MBNL2: variants seen among roughly 807,000 people sequenced by gnomAD.
MBNL2 encodes muscleblind-like protein 2.
Under a neutral mutation model 41.9 loss-of-function variants are expected in MBNL2, and 17 were observed. That is an observed-to-expected ratio of 0.41 (90% CI 0.28 to 0.61). The LOEUF is 0.61. Ranked by LOEUF, MBNL2 falls within the 20% of genes least tolerant of loss-of-function variation. The pLI is 0.35. For synonymous variants in MBNL2, 195 were observed against 182.9 expected (o/e 1.07, Z -0.53); for missense variants, 336 against 505.6 (o/e 0.66, Z 3.22).
rs566474124 is a variant in MBNL2 at position 97,307,126 on chromosome 13, C to T, written c.175-27150C>T. On this transcript the variant is annotated intron_variant, in intron 2 of 8. Coordinates refer to ENST00000679496, the MANE Select transcript of MBNL2 (RefSeq NM_001382683.1). ...AAAGTCTAAATCTCGTGGGTTCCAT[C>T]TCCCAGCATCCAACATAAATAAAAA... is the stretch of plus-strand genomic sequence containing the variant. 2.6e-5 allele frequency among the ~76,000 whole-genome samples: 4 copies of T among 152,272 alleles called. No individual in the cohort carries two copies. In the East Asian group the frequency reaches 5.8e-4, roughly 22 times the overall value.
rs775193234 is a variant in MBNL2 at position 97,365,164 on chromosome 13, C to T, written c.1041C>T (p.Thr347=). 5 of 1,605,148 alleles carry T rather than the reference C, an allele frequency of 3.1e-6. No homozygotes were observed. In the East Asian group the frequency reaches 1.1e-4, roughly 36 times the overall value. ...CAGTTTTGTGCATGACACCCGCTAC[C>T]AGTATTGGTAGGTTTCAACCTTTTT... is the stretch of plus-strand genomic sequence containing the variant. ...TGSVLCMTPA[T]SIDNSEIISR... The change falls in exon 8 of 9, where the codon ACC becomes ACT. Residue 347 remains threonine (T), a synonymous_variant. Transcript: ENST00000679496.
Position 97,382,354 on chromosome 13 carries a change from A to G in MBNL2, c.1049-8968A>G, listed in dbSNP as rs544472879. ...CCCAGGCCAAATGCCACTCATGTCT[A>G]TGATGTTGCTATATCTTTGGGATTC... is the stretch of plus-strand genomic sequence containing the variant. On this transcript the variant is annotated intron_variant, in intron 8 of 8. Coordinates refer to ENST00000679496, the MANE Select transcript of MBNL2 (RefSeq NM_001382683.1). Among the ~76,000 whole-genome samples the G allele has an allele frequency of 2.4e-4, 37 of 152,370 alleles. No homozygotes were observed. In the South Asian group the frequency reaches 7.4e-3, roughly 31 times the overall value.
intron 2 of MBNL2, among the ~76,000 whole-genome samples, chr13:97,307,577 A>G (rs2058237364): frequency 6.6e-6 from 1 of 152,212 alleles, no homozygotes; most frequent in South Asian, 2.1e-4. Context: ...AAAAATATTT[A>G]GTCCACAACA....
At chr13:97,151,398 G>A in the MBNL2 span, among the ~76,000 whole-genome samples, 180 of 152,116 alleles carry the variant, frequency 1.2e-3, 1 homozygote, top group African/African-American at 3.9e-3. Context: ...CTTCAAGGAG[G>A]TTAAAAAAAA....
intron 3 of MBNL2, among the ~76,000 whole-genome samples, chr13:97,340,222 C>T (rs1370515297): frequency 1.3e-5 from 2 of 152,160 alleles, no homozygotes; most frequent in African/African-American, 2.4e-5. Context: ...TGCAAATCAC[C>T]GTAACTGTAT....
intron 8 of MBNL2, among the ~76,000 whole-genome samples, chr13:97,374,283 G>T (rs2064740927): frequency 6.6e-6 from 1 of 151,250 alleles, no homozygotes; most frequent in Non-Finnish European, 1.5e-5. Context: ...GAGTAGCTGG[G>T]ACTACAGGCG....
At chr13:97,291,620 C>T (rs537661289) in intron 2 of MBNL2, among the ~76,000 whole-genome samples, 6 of 152,054 alleles carry the variant, frequency 3.9e-5, no homozygotes, top group East Asian at 1.9e-4. Context: ...TTGGGTCGGG[C>T]GCGGTGGCTC....
At chr13:97,297,673 C>G (rs753230922) in intron 2 of MBNL2, among the ~76,000 whole-genome samples, 11 of 152,172 alleles carry the variant, frequency 7.2e-5, no homozygotes, top group Non-Finnish European at 1.2e-4. Context: ...TCAGACCACT[C>G]TGCAACAATA....
chr13:97,223,095 G>A (rs912149573), intron 1 of MBNL2, among the ~76,000 whole-genome samples: 3 of 152,142 alleles, frequency 2.0e-5, no homozygotes, highest in Non-Finnish European at 4.4e-5. Flanking sequence ...GCAAGTTTTC[G>A]ATACTGTAGT....
upstream of MBNL2, among the ~76,000 whole-genome samples, chr13:97,217,101 TATC>T (rs200217576): frequency 9.6e-3 from 1,433 of 148,642 alleles, 23 homozygotes; most frequent in African/African-American, 0.033. Flanking sequence ...GATATATACA[TATC>T]ATATACAGTA....
chr13:97,175,218 A>ATCCT, the MBNL2 span, among the ~76,000 whole-genome samples: 1 of 151,834 alleles, frequency 6.6e-6, no homozygotes. Context: ...TTCCTACCCA[A>ATCCT]TCCTTCCTTC....
the MBNL2 span, among the ~76,000 whole-genome samples, chr13:97,195,901 A>C: frequency 6.6e-6 from 1 of 152,178 alleles, no homozygotes; most frequent in South Asian, 2.1e-4. Flanking sequence ...CATGTACTAC[A>C]CTGGACAACA....
rs115268394 is a variant in MBNL2 at position 97,234,501 on chromosome 13, G to A, written c.-605+11970G>A. Among the ~76,000 whole-genome samples, 1,254 of 152,220 alleles carry A rather than the reference G, an allele frequency of 8.2e-3. 16 individuals carry two copies. Among genetic ancestry groups the A allele is most frequent in the African/African-American group, 0.029 (1,195 of 41,520 alleles). ...GTTCAGGCCTGAGCACAGTGCGGGG[G>A]CGGGGGGTAGTGAATAGATGAAGGT... On this transcript the variant is annotated intron_variant, in intron 1 of 8. Transcript: ENST00000679496.
At chr13:97,263,028 C>A (rs759474480) in intron 1 of MBNL2, among the ~76,000 whole-genome samples, 5 of 152,100 alleles carry the variant, frequency 3.3e-5, no homozygotes, top group African/African-American at 1.2e-4. Flanking sequence ...GTCGGGTGAT[C>A]CACTCGCCTC....
chr13:97,346,937 G>A lies in MBNL2; in HGVS notation c.674G>A (p.Arg225His), dbSNP rs1322938546. 5.6e-6 allele frequency: 9 copies of A among 1,613,978 alleles called. No individual in the cohort carries two copies. The highest frequency in any genetic ancestry group is 7.6e-6 in the Non-Finnish European group (9 of 1,179,954). ...GTTTGTATGGATTACATAAAGGGGC[G>A]TTGCATGAGGGAGAAATGCAAATAT... is the stretch of plus-strand genomic sequence containing the variant. ...VTVCMDYIKG[R>H]CMREKCKYFH... The change falls in exon 5 of 9, where the codon CGT becomes CAT. Residue 225 changes from arginine (R) to histidine (H), a missense_variant. Coordinates refer to ENST00000679496, the MANE Select transcript of MBNL2 (RefSeq NM_001382683.1). This position sits in a 1 kb window ranked among gnomAD's most constrained non-coding sequence, Gnocchi z 4.2.
chr13:97,227,764 G>T (rs566840137), intron 1 of MBNL2, among the ~76,000 whole-genome samples: 1 of 152,178 alleles, frequency 6.6e-6, no homozygotes, highest in Non-Finnish European at 1.5e-5. Flanking sequence ...CATGGGCAGC[G>T]TGTGCATTTA....
At chr13:97,301,785 AT>A (rs1399708269) in intron 2 of MBNL2, among the ~76,000 whole-genome samples, 1 of 152,190 alleles carries the variant, frequency 6.6e-6, no homozygotes, top group Non-Finnish European at 1.5e-5. Flanking sequence ...ACCAGCCTAT[AT>A]TAGTTCGTCA....
the MBNL2 span, among the ~76,000 whole-genome samples, chr13:97,210,414 A>G: frequency 6.6e-6 from 1 of 152,108 alleles, no homozygotes; most frequent in Non-Finnish European, 1.5e-5. Context: ...TCTTTGTGGC[A>G]TAGCTTGTGG....
At chr13:97,260,255 C>G (rs2048347770) in intron 1 of MBNL2, among the ~76,000 whole-genome samples, 1 of 152,132 alleles carries the variant, frequency 6.6e-6, no homozygotes, top group Non-Finnish European at 1.5e-5. Context: ...TCCCTGGCTA[C>G]TGAAGGAGCA....
Sources: allele counts gnomAD v4.1 joint callset (sites outside exome capture counted in the v4.1 genomes callset), GRCh38; gene constraint gnomAD v4.1.1; non-coding constraint Gnocchi (gnomAD v3.1); transcripts MANE v1.5; gene names NCBI Gene and HGNC (gene_info 2026-07-23, HGNC 2026-07-21).